TANC2: variants seen among roughly 807,000 people sequenced by gnomAD.
TANC2 encodes tetratricopeptide repeat, ankyrin repeat and coiled-coil containing 2.
In TANC2, 26 loss-of-function variants were observed where a neutral mutation model predicts 210.5. The observed-to-expected ratio is 0.12, with a 90% confidence interval of 0.09 to 0.17. TANC2 has a LOEUF of 0.17. TANC2 is among the 10% of genes least tolerant of loss of function. The pLI is 1.00. For synonymous variants in TANC2, 931 were observed against 967.1 expected (o/e 0.96, Z 0.69); for missense variants, 2,129 against 2,608.9 (o/e 0.82, Z 4.01).
At chr17:63,158,950 A>G (rs143169663) in intron 5 of TANC2, among the ~76,000 whole-genome samples, 60 of 152,308 alleles carry the variant, frequency 3.9e-4, no homozygotes, top group Non-Finnish European at 3.5e-4. Context: ...GAGGGCTTCT[A>G]TTCCTCACTG....
chr17:63,011,468 CATTTCATATCCTTACTTAAAAA>C (rs2033871042), intron 2 of TANC2, among the ~76,000 whole-genome samples: 1 of 152,002 alleles, frequency 6.6e-6, no homozygotes, highest in African/African-American at 2.4e-5. Context: ...GGCACTCAAA[CATTTCATATCCTTACTTAAAAA>C]ATTATTTACT....
intron 7 of TANC2, among the ~76,000 whole-genome samples, chr17:63,228,658 C>T (rs1335785387): frequency 2.6e-5 from 4 of 152,014 alleles, no homozygotes; most frequent in Middle Eastern, 6.3e-3. Flanking sequence ...CTCTTGTTAG[C>T]GGTGTTCCTA....
At chr17:63,053,847 C>T (rs149435078) in intron 2 of TANC2, among the ~76,000 whole-genome samples, 2 of 152,306 alleles carry the variant, frequency 1.3e-5, no homozygotes, top group African/African-American at 4.8e-5. Context: ...CTTCTGACAG[C>T]AGATTCTCTT....
intron 8 of TANC2, among the ~76,000 whole-genome samples, chr17:63,257,614 C>A (rs1028840886): frequency 3.4e-4 from 51 of 152,168 alleles, no homozygotes; most frequent in Admixed American, 3.3e-3. Context: ...CCTGCCCTGG[C>A]CTCCCAAAGT....
intron 2 of TANC2, among the ~76,000 whole-genome samples, chr17:63,055,990 AATATATATATATATATATATATAT>A (rs57112801): frequency 9.9e-5 from 1 of 10,100 alleles, no homozygotes; most frequent in East Asian, 3.6e-3. Flanking sequence ...AAAAAAAAAA[AATATATATATATATATATATATAT>A]ATATATATAT....
chr17:63,422,199 A>C, exon 28 of TANC2: 1 of 453,296 alleles, frequency 2.2e-6, no homozygotes. Flanking sequence ...TCAGATGCCA[A>C]CGAGGAGATT....
chr17:63,239,919 CAGG>C (rs1017831175), intron 8 of TANC2, among the ~76,000 whole-genome samples: 1 of 151,958 alleles, frequency 6.6e-6, no homozygotes, highest in Non-Finnish European at 1.5e-5. Flanking sequence ...GGAGGAAGAG[CAGG>C]AGGAGGAGGA....
In TANC2 at chr17:63,377,038, A is replaced by T. The variant is rs369374337; in HGVS notation, c.2583-2680A>T. ...GGGGCTTGCACCCTCTGAAGCAACG[A>T]CCTGAGCTGTATATTGGTCCCTTTT... On this transcript the variant is annotated intron_variant, in intron 14 of 27. Transcript: ENST00000689528. Among the ~76,000 whole-genome samples the T allele has an allele frequency of 1.1e-4, 16 of 152,210 alleles. No individual in the cohort carries two copies. The East Asian group carries it at 2.1e-3, about 20-fold the overall frequency.
chr17:63,103,001 G>A (rs181245279), intron 4 of TANC2, among the ~76,000 whole-genome samples: 128 of 152,010 alleles, frequency 8.4e-4, no homozygotes, highest in African/African-American at 3.0e-3. Context: ...AGAAATATGT[G>A]CCTAGGTTAT....
intron 5 of TANC2, among the ~76,000 whole-genome samples, chr17:63,179,803 A>G (rs2040716140): frequency 6.6e-6 from 1 of 151,924 alleles, no homozygotes; most frequent in African/African-American, 2.4e-5. Flanking sequence ...TCCCAAAATA[A>G]GGATAATTGT....
chr17:63,094,294 A>G (rs2037308677), intron 3 of TANC2, among the ~76,000 whole-genome samples: 1 of 152,140 alleles, frequency 6.6e-6, no homozygotes. Flanking sequence ...AGAGTCACAG[A>G]GTGATGATAC....
chr17:63,130,891 C>T (rs1458939378), intron 4 of TANC2: 1 of 152,136 alleles, frequency 6.6e-6, no homozygotes, highest in East Asian at 1.9e-4. Flanking sequence ...CCACTAAAAT[C>T]CCTGGATAAT....
At chr17:62,971,323 C>T (rs550577099) in intron 1 of TANC2, among the ~76,000 whole-genome samples, 10 of 152,266 alleles carry the variant, frequency 6.6e-5, no homozygotes, top group South Asian at 6.2e-4. Context: ...TGCTGCCCTT[C>T]GCTTTCCCTT....
intron 2 of TANC2, among the ~76,000 whole-genome samples, chr17:63,016,585 T>G (rs1598259427): frequency 1.3e-5 from 2 of 152,140 alleles, no homozygotes; most frequent in South Asian, 4.2e-4. Context: ...TATATAGGAG[T>G]GGGATTTCTG....
chr17:63,155,175 A>C (rs2039793429), intron 5 of TANC2: 1 of 152,028 alleles, frequency 6.6e-6, no homozygotes, highest in Admixed American at 6.6e-5. Flanking sequence ...TCCACCTACT[A>C]GCTGTGTGAC....
intron 11 of TANC2, among the ~76,000 whole-genome samples, chr17:63,325,359 T>G (rs745368381): frequency 2.0e-5 from 3 of 152,208 alleles, no homozygotes; most frequent in African/African-American, 7.2e-5. Flanking sequence ...TTAGGGCCTT[T>G]GCATACTTTT....
At chr17:63,097,274 T>C (rs944837084) in intron 3 of TANC2, among the ~76,000 whole-genome samples, 3 of 152,120 alleles carry the variant, frequency 2.0e-5, no homozygotes, top group African/African-American at 4.8e-5. Context: ...CTCAAACTTA[T>C]GGGCTCAAGT....
intron 19 of TANC2, among the ~76,000 whole-genome samples, chr17:63,401,130 A>G (rs1174908736): frequency 5.9e-5 from 9 of 152,206 alleles, no homozygotes; most frequent in Non-Finnish European, 1.3e-4. Context: ...AACTTATAGC[A>G]CATGATCATT....
At chr17:63,236,365 G>A (rs930430796) in intron 7 of TANC2, among the ~76,000 whole-genome samples, 1 of 152,138 alleles carries the variant, frequency 6.6e-6, no homozygotes, top group Middle Eastern at 3.4e-3. Context: ...TTTCAGTTAT[G>A]TAAACTTCAT....
Sources: gnomAD v4.1 joint callset for allele counts (sites outside exome capture counted in the v4.1 genomes callset) on GRCh38, gnomAD v4.1.1 for gene constraint, MANE v1.5 for transcripts, NCBI Gene and HGNC (gene_info 2026-07-23, HGNC 2026-07-21) for gene names.